Variants in MACF1 observed in about 807,000 individuals in gnomAD.
MACF1 encodes the protein microtubule-actin cross-linking factor 1.
MACF1 carries 193 observed loss-of-function variants against 854.8 expected under a neutral mutation model. The ratio of observed to expected loss-of-function variants is 0.23; its 90% CI spans 0.20 to 0.25. MACF1 has a LOEUF of 0.25. MACF1 is among the 10% of genes least tolerant of loss of function. The pLI, the probability that MACF1 is intolerant of heterozygous loss-of-function variation, is 1.00. For synonymous variants in MACF1, 3,185 were observed against 3,226.7 expected (o/e 0.99, Z 0.44); for missense variants, 7,722 against 8,929.1 (o/e 0.86, Z 5.45).
At chr1:39,122,255 C>CT (rs138256170) in intron 2 of MACF1, among the ~76,000 whole-genome samples, 3,631 of 135,884 alleles carry the variant, frequency 0.027, 52 homozygotes, top group Non-Finnish European at 0.036. Flanking sequence ...TGGTAATATT[C>CT]TTTTTTTTTT....
At chr1:39,219,288 A>G (rs184385983) in intron 1 of MACF1, among the ~76,000 whole-genome samples, 4 of 152,284 alleles carry the variant, frequency 2.6e-5, no homozygotes, top group Admixed American at 2.6e-4. Context: ...AAATTTATGG[A>G]GGTTAAAAGT....
At position 39,422,443 on chromosome 1, in the gene MACF1, T is replaced by A; in HGVS notation, c.15886T>A (p.Leu5296Ile). ...GCAGGTGAATGGACTTGGCCAGGGA[T>A]TAATTCAGAGTGCAGGAAAAGACTG... ...LQQVNGLGQG[L>I]IQSAGKDCDV... The change falls in exon 59 of 101, where the codon TTA (leucine) becomes ATA (isoleucine). Residue 5296 changes from leucine (L) to isoleucine (I), a missense_variant. By Grantham distance (5) the Leu-to-Ile change is conservative. This residue lies in a region of MACF1 where 2,807 missense variants were observed against 3,235.8 expected (regional missense o/e 0.87). Coordinates refer to ENST00000564288, the MANE Select transcript of MACF1 (RefSeq NM_001394062.1). 1.2e-6 allele frequency: 2 copies of A among 1,614,142 alleles called. No individual in the cohort carries two copies. Among genetic ancestry groups the A allele is most frequent in the Non-Finnish European group, 1.7e-6 (2 of 1,180,010 alleles).
intron 58 of MACF1, among the ~76,000 whole-genome samples, chr1:39,408,782 G>A (rs1437503387): frequency 1.3e-5 from 2 of 152,118 alleles, no homozygotes; most frequent in African/African-American, 4.8e-5. Context: ...CTGGCCCCGG[G>A]GCGCGGTGGG....
chr1:39,459,021 C>A, intron 90 of MACF1, 65 bp from the exon 91 acceptor site: 1 of 1,338,936 alleles, frequency 7.5e-7, no homozygotes, highest in Non-Finnish European at 1.0e-6. Context: ...TAGGTTTATA[C>A]ATACAGCTAT....
intron 95 of MACF1, among the ~76,000 whole-genome samples, chr1:39,467,262 G>C (rs1404466563): frequency 6.6e-6 from 1 of 152,130 alleles, no homozygotes; most frequent in Non-Finnish European, 1.5e-5. Flanking sequence ...CTACTCGGAA[G>C]GCTGAGGCAG....
rs145552192 is a variant in MACF1 at position 39,476,591 on chromosome 1, G to T, written c.21959-3207G>T. On this transcript the variant is annotated intron_variant, in intron 97 of 100. Transcript: ENST00000564288. Reference sequence around the variant, plus strand: ...GTCTCAAAAAAAAAAAAGAAAGAAAGAAATTTATCCTAAGGAAATATCGTG... The same window carrying T: ...GTCTCAAAAAAAAAAAAGAAAGAAATAAATTTATCCTAAGGAAATATCGTG... Among the ~76,000 whole-genome samples the T allele has an allele frequency of 7.2e-3, 1,087 of 151,366 alleles. 17 individuals are homozygous for T. Among genetic ancestry groups the T allele is most frequent in the South Asian group, 0.032 (152 of 4,796 alleles).
At chr1:39,306,991 C>T (rs1646194991) in intron 23 of MACF1, among the ~76,000 whole-genome samples, 1 of 151,764 alleles carries the variant, frequency 6.6e-6, no homozygotes. Context: ...TCTCCTGCCT[C>T]AGCCTGCCAA....
At position 39,204,913 on chromosome 1, in the gene MACF1, C is replaced by G; in HGVS notation, c.-110C>G. ...GTTTCTGACAACACTAAGCTCCGGC[C>G]TCTGCCTCTGCTGATAGTACAGGAC... On this transcript the variant is annotated 5_prime_UTR_variant, in exon 1 of 101. Coordinates refer to ENST00000564288, the MANE Select transcript of MACF1 (RefSeq NM_001394062.1). 2 of 643,268 alleles carry G rather than the reference C, an allele frequency of 3.1e-6. No homozygotes were observed. Among genetic ancestry groups the G allele is most frequent in the Non-Finnish European group, 5.6e-6 (2 of 357,710 alleles). 39.8% of individuals were successfully genotyped at this position (643,268 alleles called of 1,614,324 possible).
In MACF1 at chr1:39,334,094, G is replaced by A. The variant is rs1418676328; in HGVS notation, c.7506G>A (p.Val2502=). 6.2e-7 allele frequency: 1 copy of A among 1,614,146 alleles called. No individual in the cohort carries two copies. The highest frequency in any genetic ancestry group is 8.5e-7 in the Non-Finnish European group (1 of 1,180,016). Residue 2502 remains valine, a synonymous_variant, in exon 37 of 101, where the codon GTG becomes GTA. Coordinates refer to ENST00000564288, the MANE Select transcript of MACF1 (RefSeq NM_001394062.1). ...CCGTTCGTTTGTTGACTAAGCAAGT[G>A]GTAGATGGAGGTATCATTCACCATA... ...EEAVRLLTKQ[V]VDGGIIHHIS...
At chr1:39,204,314 A>G (rs1644425981), upstream of MACF1, 1 of 152,086 alleles carries the variant, frequency 6.6e-6, no homozygotes, top group Admixed American at 6.6e-5. Context: ...GTACCCCCTA[A>G]ATGAGCAGTT....
At chr1:39,223,451 A>G (rs1054930730) in intron 1 of MACF1, among the ~76,000 whole-genome samples, 1 of 152,088 alleles carries the variant, frequency 6.6e-6, no homozygotes, top group African/African-American at 2.4e-5. Context: ...AGAGTTGTTG[A>G]GCATTAGAAA....
At chr1:39,412,511 A>G in intron 58 of MACF1, 1 of 1,614,036 alleles carries the variant, frequency 6.2e-7, no homozygotes, top group Admixed American at 1.7e-5. Flanking sequence ...CAGGTCTTCC[A>G]GGATCTCCAG....
At chr1:39,344,079 C>T (rs1646991972) in intron 40 of MACF1, among the ~76,000 whole-genome samples, 1 of 145,060 alleles carries the variant, frequency 6.9e-6, no homozygotes, top group Non-Finnish European at 1.5e-5. Flanking sequence ...TGCGCCATTG[C>T]ACTCCAGCCT....
At chr1:39,174,596 C>T (rs928016993) in intron 2 of MACF1, among the ~76,000 whole-genome samples, 1 of 152,112 alleles carries the variant, frequency 6.6e-6, no homozygotes, top group Non-Finnish European at 1.5e-5. Flanking sequence ...CATAGAGGCT[C>T]AGTGTCTTCT....
intron 2 of MACF1, among the ~76,000 whole-genome samples, chr1:39,115,904 G>T (rs755689831): frequency 1.3e-5 from 2 of 152,180 alleles, no homozygotes; most frequent in Non-Finnish European, 2.9e-5. Context: ...GTCAAATAAG[G>T]CAAAGACTAC....
intron 2 of MACF1, among the ~76,000 whole-genome samples, chr1:39,191,812 C>T (rs973073956): frequency 7.9e-5 from 12 of 152,304 alleles, no homozygotes; most frequent in Middle Eastern, 3.4e-3. Flanking sequence ...CATTACAACT[C>T]TGAGTCCCTG....
rs771319458 is a variant in MACF1, at chr1:39,295,846, T to C, written c.2319T>C (p.Val773=). Residue 773 remains valine, a synonymous_variant, in exon 20 of 101, where the codon GTT becomes GTC. Coordinates refer to ENST00000564288, the MANE Select transcript of MACF1 (RefSeq NM_001394062.1). ...GGATGAAGCAGCTGTGCCTGTGTGT[T>C]GAGCAGCATGTGAAAGAGAATACTG... The part of the protein sequence containing the change: ...LQWMKQLCLC[V]EQHVKENTAY... 1.2e-6 allele frequency: 2 copies of C among 1,614,142 alleles called. No homozygotes were observed. The highest frequency in any genetic ancestry group is 4.5e-5 in the East Asian group (2 of 44,882).
At chr1:39,476,591 G>C (rs145552192) in intron 97 of MACF1, among the ~76,000 whole-genome samples, 1 of 151,254 alleles carries the variant, frequency 6.6e-6, no homozygotes, top group Non-Finnish European at 1.5e-5. Flanking sequence ...AAGAAAGAAA[G>C]AAATTTATCC....
In MACF1 at chr1:39,251,906, A is replaced by T. The variant is rs1158624906; in HGVS notation, c.322A>T (p.Asn108Tyr). ...VSMPSWCHTN[N>Y]EEQAEEDDDD... ...CATGCCCTCCTGGTGCCATACAAAC[A>T]ACGAGGAGCAGGCGGAGGAAGATGA... Residue 108 changes from asparagine to tyrosine, a missense_variant, in exon 4 of 101, where the codon AAC becomes TAC. By Grantham distance (143) the Asn-to-Tyr change is moderately radical. Around this residue, in one of 15 missense-constraint regions of MACF1, gnomAD observed 82 missense variants for 84.0 expected, o/e 0.98. Transcript: ENST00000564288. 2.6e-6 allele frequency: 4 copies of T among 1,520,060 alleles called. No individual in the cohort carries two copies. In the Admixed American group the frequency reaches 6.1e-5, roughly 23 times the overall value. The allele number at this position is 1,520,060 out of a possible 1,614,324, so 94.2% of individuals were successfully genotyped here.
Sources: gnomAD v4.1 joint callset for allele counts (sites outside exome capture counted in the v4.1 genomes callset) on GRCh38, gnomAD v4.1.1 for gene constraint, gnomAD v4.1.1 regional missense constraint, MANE v1.5 for transcripts, NCBI Gene and HGNC (gene_info 2026-07-23, HGNC 2026-07-21) for gene names.